NEK11: variants seen among roughly 807,000 people sequenced by gnomAD.
NEK11 encodes the protein NIMA related kinase 11.
Under a neutral mutation model 80.7 loss-of-function variants are expected in NEK11, and 72 were observed. That is an observed-to-expected ratio of 0.89 (90% CI 0.74 to 1.08). NEK11 has a LOEUF of 1.08. Among genes scored for constraint, NEK11 ranks in the 50% least tolerant of loss-of-function variants. The pLI, the probability that NEK11 is intolerant of heterozygous loss-of-function variation, is 0.00. For synonymous variants in NEK11, 251 were observed against 260.7 expected (o/e 0.96, Z 0.36); for missense variants, 764 against 763.6 (o/e 1.00, Z -0.01).
chr3:131,098,270 A>G (rs1400269731), intron 4 of NEK11, among the ~76,000 whole-genome samples: 1 of 152,232 alleles, frequency 6.6e-6, no homozygotes, highest in Non-Finnish European at 1.5e-5. Context: ...CTAAAACACC[A>G]AAAGCAATGG....
chr3:131,118,678 A>T (rs894536548), intron 5 of NEK11, among the ~76,000 whole-genome samples: 1 of 152,196 alleles, frequency 6.6e-6, no homozygotes, highest in African/African-American at 2.4e-5. Flanking sequence ...CAGGGATTCA[A>T]CTTCTTCCTG....
chr3:131,064,030 T>C lies in NEK11; in HGVS notation c.171-16393T>C, dbSNP rs143171054. On this transcript the variant is annotated intron_variant, in intron 3 of 17. Coordinates refer to ENST00000383366, the MANE Select transcript of NEK11 (RefSeq NM_024800.5). ...CATGAAATACTGATACATGCTACAGTCTGGATAAACCTTGAAAACAATATG... is the reference window on the plus strand; with the variant it reads ...CATGAAATACTGATACATGCTACAGCCTGGATAAACCTTGAAAACAATATG... Among the ~76,000 whole-genome samples, 1,422 of 152,308 alleles carry C rather than the reference T, an allele frequency of 9.3e-3. 20 individuals carry two copies. Among genetic ancestry groups the C allele is most frequent in the African/African-American group, 0.031 (1,307 of 41,558 alleles).
rs2093016816 is a variant in NEK11, at chr3:131,176,380, T to C, written c.1399+5493T>C. Among the ~76,000 whole-genome samples, 3 of 152,228 alleles carry C rather than the reference T, an allele frequency of 2.0e-5. No homozygotes were observed. In the South Asian group the frequency reaches 6.2e-4, roughly 31 times the overall value. On this transcript the variant is annotated intron_variant, in intron 14 of 17. Transcript: ENST00000383366. ...GTCTTCAAGACTTGATTTATAAAGA[T>C]AAATTGATGGTGGTTTTATTTCATA... is the stretch of plus-strand genomic sequence containing the variant.
intron 6 of NEK11, 133 bp from the exon 7 acceptor site, chr3:131,133,697 T>G (rs999831260): frequency 6.1e-5 from 37 of 604,248 alleles, no homozygotes; most frequent in Non-Finnish European, 9.9e-5. Flanking sequence ...ATATATTACT[T>G]TTCTTTCCTG....
chr3:131,119,606 A>T (rs1361387064), intron 5 of NEK11, among the ~76,000 whole-genome samples: 1 of 152,136 alleles, frequency 6.6e-6, no homozygotes, highest in Non-Finnish European at 1.5e-5. Context: ...TGGGAGTCTA[A>T]GTCTCTTTGT....
chr3:131,259,161 C>T (rs1042246027), intron 16 of NEK11, among the ~76,000 whole-genome samples: 8 of 152,102 alleles, frequency 5.3e-5, no homozygotes, highest in Admixed American at 4.6e-4. Context: ...CCTAATATGC[C>T]CCAGCTCCCT....
chr3:131,313,994 A>G (rs2096808168), intron 17 of NEK11, among the ~76,000 whole-genome samples: 1 of 152,188 alleles, frequency 6.6e-6, no homozygotes, highest in South Asian at 2.1e-4. Context: ...TGCCAACTCA[A>G]TAATGCTGGC....
chr3:131,251,848 G>T (rs2095709938), intron 16 of NEK11, among the ~76,000 whole-genome samples: 1 of 152,208 alleles, frequency 6.6e-6, no homozygotes, highest in Admixed American at 6.6e-5. Flanking sequence ...GGAGTTCTTT[G>T]ATTATGGCTA....
At chr3:131,241,133 A>G (rs1580735271) in intron 15 of NEK11, among the ~76,000 whole-genome samples, 1 of 152,294 alleles carries the variant, frequency 6.6e-6, no homozygotes, top group East Asian at 1.9e-4. Context: ...GAAGGCATAT[A>G]TTAGCTCCTT....
At chr3:131,041,384 A>T (rs977423139) in intron 3 of NEK11, among the ~76,000 whole-genome samples, 1 of 152,224 alleles carries the variant, frequency 6.6e-6, no homozygotes, top group Non-Finnish European at 1.5e-5. Context: ...GCAGTTGACT[A>T]TTGAACTTGC....
intron 3 of NEK11, among the ~76,000 whole-genome samples, chr3:131,033,379 A>G (rs1005772518): frequency 3.3e-5 from 5 of 152,198 alleles, no homozygotes; most frequent in African/African-American, 9.6e-5. Context: ...CTATAATGGT[A>G]TGAATGCTAT....
At chr3:131,109,766 G>T (rs765852906) in intron 4 of NEK11, 37 bp from the exon 5 acceptor site, 1 of 1,547,590 alleles carries the variant, frequency 6.5e-7, no homozygotes, top group South Asian at 1.3e-5. Context: ...TAACATATTA[G>T]CTGAAAAAAT....
intron 7 of NEK11, among the ~76,000 whole-genome samples, chr3:131,138,610 C>G (rs1447600806): frequency 6.6e-6 from 1 of 152,054 alleles, no homozygotes; most frequent in Non-Finnish European, 1.5e-5. Context: ...AGACCTGGTG[C>G]CACTACAGTC....
At chr3:131,069,075 C>CAG (rs1317892217) in intron 3 of NEK11, among the ~76,000 whole-genome samples, 1 of 152,046 alleles carries the variant, frequency 6.6e-6, no homozygotes, top group African/African-American at 2.4e-5. Context: ...GTTAAGACAG[C>CAG]CAAACCACTG....
chr3:131,336,516 TAGA>T (rs1397394066), intron 17 of NEK11, among the ~76,000 whole-genome samples: 1 of 152,110 alleles, frequency 6.6e-6, no homozygotes, highest in African/African-American at 2.4e-5. Flanking sequence ...ATAAAAACCC[TAGA>T]AGAAAACCTA....
chr3:131,225,551 T>C (rs1395313129), intron 14 of NEK11, among the ~76,000 whole-genome samples: 2 of 152,252 alleles, frequency 1.3e-5, no homozygotes, highest in Non-Finnish European at 2.9e-5. Context: ...TTCCATGAGA[T>C]GAATATTATC....
At position 131,347,795 on chromosome 3, in the gene NEK11, C is replaced by A. The variant is rs537931681; in HGVS notation, c.1719-1762C>A. On this transcript the variant is annotated intron_variant, in intron 17 of 17. Transcript: ENST00000383366. ...CTCTACCAATATTACAAAAATTAGC[C>A]AGGCGTGGTGGCAGGCACCTGTAAT... Among the ~76,000 whole-genome samples, 6 of 152,042 alleles carry A rather than the reference C, an allele frequency of 3.9e-5. No homozygotes were observed. The South Asian group carries it at 1.2e-3, about 32-fold the overall frequency.
intron 17 of NEK11, among the ~76,000 whole-genome samples, chr3:131,296,817 C>G (rs1581559420): frequency 6.6e-6 from 1 of 151,976 alleles, no homozygotes; most frequent in African/African-American, 2.4e-5. Context: ...CCCACTCCCC[C>G]CACCCCACAA....
intron 17 of NEK11, among the ~76,000 whole-genome samples, chr3:131,342,897 T>A (rs993280778): frequency 6.6e-6 from 1 of 152,128 alleles, no homozygotes; most frequent in African/African-American, 2.4e-5. Flanking sequence ...TTATGATAAA[T>A]GACTTTTACC....
Sources: gnomAD v4.1 joint callset for allele counts (sites outside exome capture counted in the v4.1 genomes callset) on GRCh38, gnomAD v4.1.1 for gene constraint, MANE v1.5 for transcripts, NCBI Gene and HGNC (gene_info 2026-07-23, HGNC 2026-07-21) for gene names.